The following CACNA1B variants were observed in gnomAD, a reference collection of about 807,000 sequenced individuals.
CACNA1B encodes calcium voltage-gated channel subunit alpha1 B, also known as voltage-dependent N-type calcium channel subunit alpha-1B.
In CACNA1B, 70 loss-of-function variants were observed where a neutral mutation model predicts 247.2. The observed-to-expected ratio is 0.28, with a 90% CI of 0.23 to 0.35. The LOEUF (loss-of-function observed/expected upper bound fraction) is 0.35, where lower values mean the gene tolerates loss of function less well. Ranked by LOEUF, CACNA1B falls within the 10% of genes least tolerant of loss-of-function variation. CACNA1B has a pLI of 1.00. For synonymous variants in CACNA1B, 1,231 were observed against 1,294.4 expected, an observed-to-expected ratio of 0.95 and a Z score of 1.05; for missense variants, 2,367 against 3,197.4, an observed-to-expected ratio of 0.74 and a Z score of 6.26.
intron 36 of CACNA1B, among the ~76,000 whole-genome samples, chr9:138,095,464 T>A (rs1961024028): frequency 6.6e-6 from 1 of 152,032 alleles, no homozygotes; most frequent in African/African-American, 2.4e-5. Flanking sequence ...AAATTGAAAA[T>A]AACAAGTGTC....
chr9:138,101,286 G>A (rs1314657398), intron 37 of CACNA1B: 5 of 469,482 alleles, frequency 1.1e-5, no homozygotes, highest in Non-Finnish European at 2.2e-5. Flanking sequence ...TGGGAATGAC[G>A]ACGCCTCACC....
chr9:138,106,064 G>A (rs1170355574), intron 39 of CACNA1B, among the ~76,000 whole-genome samples: 3 of 152,202 alleles, frequency 2.0e-5, no homozygotes, highest in African/African-American at 7.2e-5. Context: ...AAATTGCCCA[G>A]GTAATTCAGA....
At position 138,100,270 on chromosome 9, in the gene CACNA1B, G is replaced by A. The variant is rs567178546; in HGVS notation, c.5223-2441G>A. On this transcript the variant is annotated intron_variant, in intron 37 of 46. Transcript: ENST00000371372. This position sits in a 1 kb window ranked among gnomAD's most constrained non-coding sequence, Gnocchi z 4.6. ...AGGGGCTGCAAGGAAGGCTGAGACC[G>A]TTTGAGAAAGGCATTGAAATTGGTT... 4.6e-5 allele frequency among the ~76,000 whole-genome samples: 7 copies of A among 152,210 alleles called. No individual in the cohort carries two copies. The highest frequency in any genetic ancestry group is 8.8e-5 in the Non-Finnish European group (6 of 68,028).
chr9:137,951,408 C>A (rs1957876497), intron 6 of CACNA1B, among the ~76,000 whole-genome samples: 2 of 152,148 alleles, frequency 1.3e-5, no homozygotes, highest in African/African-American at 4.8e-5. Flanking sequence ...CAGGGCAGTG[C>A]CCCAACTGTC....
chr9:137,996,877 AG>A (rs2133396217), intron 15 of CACNA1B, among the ~76,000 whole-genome samples: 1 of 152,330 alleles, frequency 6.6e-6, no homozygotes, highest in South Asian at 2.1e-4. Context: ...AGAAAAATAC[AG>A]ATCACTTCTG....
At chr9:138,101,435 C>G (rs1961247606) in intron 37 of CACNA1B, among the ~76,000 whole-genome samples, 1 of 152,228 alleles carries the variant, frequency 6.6e-6, no homozygotes, top group Non-Finnish European at 1.5e-5. Context: ...TTGGGATCAG[C>G]TAGCTGGGTG....
chr9:137,959,983 A>C (rs1957992254), intron 10 of CACNA1B, among the ~76,000 whole-genome samples: 1 of 152,072 alleles, frequency 6.6e-6, no homozygotes, highest in Non-Finnish European at 1.5e-5. Flanking sequence ...TCATGGCCAT[A>C]GAAGGCCTGA....
intron 18 of CACNA1B, 79 bp downstream of exon 18, chr9:138,013,314 C>A: frequency 1.8e-6 from 2 of 1,098,054 alleles, no homozygotes; most frequent in Non-Finnish European, 1.3e-6. Flanking sequence ...CCCAGGGCAC[C>A]CCTTCCAGAG....
At chr9:137,960,524 A>C (rs1958008569) in intron 10 of CACNA1B, among the ~76,000 whole-genome samples, 1 of 115,786 alleles carries the variant, frequency 8.6e-6, no homozygotes, top group African/African-American at 3.4e-5. Context: ...AGCCTGAGGG[A>C]TGCCCAGGGG....
chr9:138,068,541 A>T (rs1204287874), intron 31 of CACNA1B: 1 of 515,254 alleles, frequency 1.9e-6, no homozygotes, highest in Non-Finnish European at 3.9e-6. Context: ...GGAAGCATTT[A>T]GTCCCAGTGC....
intron 39 of CACNA1B, among the ~76,000 whole-genome samples, 188 bp downstream of exon 39, chr9:138,105,995 A>G (rs1171183399): frequency 6.6e-6 from 1 of 152,206 alleles, no homozygotes; most frequent in African/African-American, 2.4e-5. Context: ...CCGTCTGCAC[A>G]TTAGCACTGC....
At chr9:137,965,369 A>G (rs1381106829) in intron 10 of CACNA1B, among the ~76,000 whole-genome samples, 1 of 152,194 alleles carries the variant, frequency 6.6e-6, no homozygotes, top group Non-Finnish European at 1.5e-5. Flanking sequence ...ATATTGGATT[A>G]TAGGTATATT....
intron 6 of CACNA1B, among the ~76,000 whole-genome samples, chr9:137,943,255 C>A (rs143765603): frequency 1.1e-3 from 175 of 152,234 alleles, no homozygotes; most frequent in South Asian, 4.3e-3. Flanking sequence ...CTGTGGACAG[C>A]AAGTTGACCC....
chr9:137,897,382 C>A (rs551773969), intron 3 of CACNA1B, among the ~76,000 whole-genome samples: 1 of 152,242 alleles, frequency 6.6e-6, no homozygotes, highest in Admixed American at 6.5e-5. Flanking sequence ...GAGTTCAAGA[C>A]CAGCCTGGCT....
At chr9:138,112,375 T>A (rs774564741) in intron 39 of CACNA1B, 23 bp from the exon 40 acceptor site, 4 of 1,570,618 alleles carry the variant, frequency 2.5e-6, no homozygotes, top group Non-Finnish European at 3.5e-6. Flanking sequence ...CTTTTCCCCT[T>A]CCCCACCATC....
intron 44 of CACNA1B, among the ~76,000 whole-genome samples, chr9:138,119,787 C>T (rs1004214113): frequency 3.9e-5 from 6 of 152,158 alleles, no homozygotes; most frequent in Admixed American, 6.5e-5. Flanking sequence ...AGGGCCTACC[C>T]GTCCCAGGTG....
intron 6 of CACNA1B, among the ~76,000 whole-genome samples, chr9:137,940,046 C>T (rs1371307183): frequency 6.6e-6 from 1 of 151,608 alleles, no homozygotes; most frequent in Non-Finnish European, 1.5e-5. Context: ...AAACCCAAAC[C>T]CAGCAGAAGA....
chr9:138,095,430 C>G (rs1288643191), intron 36 of CACNA1B, among the ~76,000 whole-genome samples: 1 of 152,158 alleles, frequency 6.6e-6, no homozygotes, highest in Non-Finnish European at 1.5e-5. Context: ...TCCACCATGA[C>G]AGCTATAACA....
At chr9:137,936,312 C>A (rs992050250) in intron 6 of CACNA1B, among the ~76,000 whole-genome samples, 3 of 152,062 alleles carry the variant, frequency 2.0e-5, no homozygotes, top group African/African-American at 7.2e-5. Flanking sequence ...TATCCTTTGC[C>A]CACTTTTTGA....
Sources: gnomAD v4.1 joint callset for allele counts (sites outside exome capture counted in the v4.1 genomes callset) on GRCh38, gnomAD v4.1.1 for gene constraint, Gnocchi (gnomAD v3.1) non-coding constraint, MANE v1.5 for transcripts, NCBI Gene and HGNC (gene_info 2026-07-23, HGNC 2026-07-21) for gene names.